The following NNAT variants were observed in gnomAD, a reference collection of about 807,000 sequenced individuals.
NNAT encodes the protein neuronatin.
In NNAT, 8 loss-of-function variants were observed where a neutral mutation model predicts 12.7. That is an observed-to-expected ratio of 0.63 (90% confidence interval 0.37 to 1.14). The LOEUF (loss-of-function observed/expected upper bound fraction) is 1.14, where lower values mean the gene tolerates loss of function less well. Among genes scored for constraint, NNAT ranks in the 50% most tolerant of loss-of-function variants. The probability of loss-of-function intolerance (pLI) is 0.01; values close to 1 mark genes in which losing one functional copy is unlikely to be tolerated. For synonymous variants in NNAT, 52 were observed against 48.5 expected (o/e 1.07, Z -0.30); for missense variants, 94 against 108.3 (o/e 0.87, Z 0.59).
At chr20:37,522,174 G>T (rs1380895800) in intron 1 of NNAT, among the ~76,000 whole-genome samples, 184 bp from the exon 2 acceptor site, 2 of 41,278 alleles carry the variant, frequency 4.8e-5, no homozygotes, top group African/African-American at 1.9e-4. Context: ...AAGGACAATT[G>T]CTTTACAAAA....
rs1189828464 is a variant in NNAT, at chr20:37,522,454, G to T, written c.153+16G>T. 2 of 1,610,088 alleles carry T rather than the reference G, an allele frequency of 1.2e-6. No individual in the cohort carries two copies. Among genetic ancestry groups the T allele is most frequent in the Non-Finnish European group, 1.7e-6 (2 of 1,176,962 alleles). On this transcript the variant is annotated intron_variant, in intron 2 of 2. Transcript: ENST00000649451. ...GAGAAGTGAGGTATACCTAAGTTGT[G>T]GGTCCAATCAGCTTGCCGCCATGCA...
At position 37,521,451 on chromosome 20, in the gene NNAT, C is replaced by T. The variant is rs2071568431; in HGVS notation, c.72+48C>T. 6.3e-7 allele frequency: 1 copy of T among 1,575,782 alleles called. No individual in the cohort carries two copies. Among genetic ancestry groups the T allele is most frequent in the South Asian group, 1.1e-5 (1 of 90,376 alleles). The stretch of plus-strand genomic sequence containing the variant: ...TGGGAGAGGGTTCCCAACTCGCGCC[C>T]CTAGAACCCGCAAGACTGCGTCGCG... On this transcript the variant is annotated intron_variant, in intron 1 of 2. Transcript: ENST00000649451. This position sits in a 1 kb window ranked among gnomAD's most constrained non-coding sequence, Gnocchi z 4.5.
rs1568684225 is a variant in NNAT, at chr20:37,521,338, G to A, written c.7G>A (p.Ala3Thr). Reference protein sequence around the residue: MAAVAAASAELLI... With the variant: MATVAAASAELLI... ...ACCTACCATTCTTGGAACCATGGCGGCAGTGGCGGCGGCCTCGGCTGAACT... is the reference window on the plus strand; with the variant it reads ...ACCTACCATTCTTGGAACCATGGCGACAGTGGCGGCGGCCTCGGCTGAACT... The change falls in exon 1 of 3, where the codon GCA becomes ACA. Residue 3 changes from alanine (A) to threonine (T), a missense_variant. Physicochemically the swap from Ala to Thr is moderately conservative, Grantham distance 58 (BLOSUM62 0). Transcript: ENST00000649451. The surrounding 1 kb of genome is among the most constrained non-coding windows in gnomAD (Gnocchi z 4.5). 6.2e-7 allele frequency: 1 copy of A among 1,614,046 alleles called. No individual in the cohort carries two copies. The highest frequency in any genetic ancestry group is 2.2e-5 in the East Asian group (1 of 44,862).
chr20:37,522,600 A>C, intron 2 of NNAT, 67 bp from the exon 3 acceptor site: 3 of 1,475,088 alleles, frequency 2.0e-6, no homozygotes, highest in Non-Finnish European at 2.8e-6. Flanking sequence ...GGGGGTGGGC[A>C]CGGCAGCACC....
At position 37,521,639 on chromosome 20, in the gene NNAT, C is replaced by T; in HGVS notation, c.72+236C>T. 1.9e-6 allele frequency: 1 copy of T among 530,196 alleles called. No homozygotes were observed. Among genetic ancestry groups the T allele is most frequent in the Non-Finnish European group, 3.4e-6 (1 of 295,890 alleles). The allele number at this position is 530,196 out of a possible 1,614,324, so 32.8% of individuals were successfully genotyped here. A position where few individuals can be genotyped will look rare whatever the true frequency, so the allele number is the denominator to read the frequency against. ...TGCCAGGGAACAAAGACTCGGGGCG[C>T]GGCGGGCGACCGCTGCGGACGATCA... is the stretch of plus-strand genomic sequence containing the variant. On this transcript the variant is annotated intron_variant, in intron 1 of 2. Transcript: ENST00000649451. This position sits in a 1 kb window ranked among gnomAD's most constrained non-coding sequence, Gnocchi z 4.5.
Position 37,521,875 on chromosome 20 carries a change from C to A in NNAT, c.72+472C>A, listed in dbSNP as rs2071588417. 1.3e-5 allele frequency among the ~76,000 whole-genome samples: 2 copies of A among 148,538 alleles called. No individual in the cohort carries two copies. Among genetic ancestry groups the A allele is most frequent in the Admixed American group, 6.7e-5 (1 of 14,958 alleles). On this transcript the variant is annotated intron_variant, in intron 1 of 2. Coordinates refer to ENST00000649451, the MANE Select transcript of NNAT (RefSeq NM_005386.4). This position sits in a 1 kb window ranked among gnomAD's most constrained non-coding sequence, Gnocchi z 4.5. Reference sequence around the variant, plus strand: ...GAACAAAAAATAAGTTAGAAAAAGGCACTTCTCAGAAAAAATAAAAATTAC... The same window carrying A: ...GAACAAAAAATAAGTTAGAAAAAGGAACTTCTCAGAAAAAATAAAAATTAC...
In NNAT at chr20:37,521,843, G is replaced by A. The variant is rs2071587409; in HGVS notation, c.72+440G>A. On this transcript the variant is annotated intron_variant, in intron 1 of 2. Transcript: ENST00000649451. This position sits in a 1 kb window ranked among gnomAD's most constrained non-coding sequence, Gnocchi z 4.5. ...ATTTAAAAAAACATATAGCGCTTGC[G>A]GGGGTGGAACAAAAAATAAGTTAGA... is the stretch of plus-strand genomic sequence containing the variant. 2 of 159,852 alleles carry A rather than the reference G, an allele frequency of 1.3e-5. No individual in the cohort carries two copies. 9.9% of individuals were successfully genotyped at this position (159,852 alleles called of 1,614,324 possible).
intron 2 of NNAT, 23 bp downstream of exon 2, chr20:37,522,461 A>G (rs1182056577): frequency 6.2e-7 from 1 of 1,603,652 alleles, no homozygotes; most frequent in Non-Finnish European, 8.5e-7. Context: ...TGTGGGTCCA[A>G]TCAGCTTGCC....
Position 37,521,371 on chromosome 20 carries a change from A to G in NNAT, c.40A>G (p.Ile14Val), listed in dbSNP as rs1252240421. The G allele has an allele frequency of 1.2e-6, 2 of 1,613,952 alleles. No homozygotes were observed. The highest frequency in any genetic ancestry group is 1.7e-6 in the Non-Finnish European group (2 of 1,179,970). ...GGCGGCCTCGGCTGAACTGCTCATC[A>G]TCGGCTGGTACATCTTCCGCGTGCT... is the stretch of plus-strand genomic sequence containing the variant. ...VAAASAELLIIGWYIFRVLLQ... is the reference protein window; with the variant it reads ...VAAASAELLIVGWYIFRVLLQ... Residue 14 changes from isoleucine (I) to valine (V), a missense_variant, in exon 1 of 3, where the codon ATC (isoleucine) becomes GTC (valine). Physicochemically the swap from Ile to Val is conservative, Grantham distance 29 (BLOSUM62 3). Coordinates refer to ENST00000649451, the MANE Select transcript of NNAT (RefSeq NM_005386.4). The surrounding 1 kb of genome is among the most constrained non-coding windows in gnomAD (Gnocchi z 4.5).
Position 37,521,572 on chromosome 20 carries a change from C to A in NNAT, c.72+169C>A. On this transcript the variant is annotated intron_variant, in intron 1 of 2. Transcript: ENST00000649451. The surrounding 1 kb of genome is among the most constrained non-coding windows in gnomAD (Gnocchi z 4.5). ...CCGCGCGCCCCCTGCCCATTCCCTGCGCCGTCCTCCTCGCGCTGACCCTCC... is the reference window on the plus strand; with the variant it reads ...CCGCGCGCCCCCTGCCCATTCCCTGAGCCGTCCTCCTCGCGCTGACCCTCC... The A allele has an allele frequency of 3.0e-6, 2 of 675,864 alleles. No individual in the cohort carries two copies. Among genetic ancestry groups the A allele is most frequent in the East Asian group, 2.8e-5 (1 of 35,712 alleles). The allele number at this position is 675,864 out of a possible 1,614,324, so 41.9% of individuals were successfully genotyped here.
intron 1 of NNAT, among the ~76,000 whole-genome samples, 164 bp from the exon 2 acceptor site, chr20:37,522,194 A>G (rs2071606702): frequency 1.0e-4 from 1 of 9,882 alleles, no homozygotes; most frequent in Non-Finnish European, 1.4e-3. Context: ...AAAAAAAATA[A>G]TAATAAAAAA....
In NNAT at chr20:37,522,942, T is replaced by C. The variant is rs182700582; in HGVS notation, c.*183T>C. On this transcript the variant is annotated 3_prime_UTR_variant, in exon 3 of 3. Transcript: ENST00000649451. ...GAAGCAGTACCGACAATGACGAAGA[T>C]ACCAGATCCCTTCCCAACCCCTTTG... 4.1e-3 allele frequency: 2,401 copies of C among 578,706 alleles called. 9 individuals are homozygous for C. Among genetic ancestry groups the C allele is most frequent in the Non-Finnish European group, 6.0e-3 (1,960 of 326,712 alleles). 35.8% of individuals were successfully genotyped at this position (578,706 alleles called of 1,614,324 possible). A position where few individuals can be genotyped will look rare whatever the true frequency, so the allele number is the denominator to read the frequency against.
At position 37,522,753 on chromosome 20, in the gene NNAT, C is replaced by T; in HGVS notation, c.240C>T (p.Pro80=). The T allele has an allele frequency of 6.2e-7, 1 of 1,600,940 alleles. No homozygotes were observed. The highest frequency in any genetic ancestry group is 8.5e-7 in the Non-Finnish European group (1 of 1,174,488). ...TGGGGGAGCGCAGGCAGCGAGCCCC[C>T]AACTGAGGCCCCAGCTCCCAGCCCT... is the stretch of plus-strand genomic sequence containing the variant. ...QVLGERRQRA[P]N Residue 80 remains proline (P), a synonymous_variant, in exon 3 of 3, where the codon CCC becomes CCT. Transcript: ENST00000649451.
intron 2 of NNAT, 99 bp from the exon 3 acceptor site, chr20:37,522,568 C>A: frequency 5.1e-6 from 3 of 588,260 alleles, no homozygotes; most frequent in Non-Finnish European, 6.7e-6. Flanking sequence ...GCTGGATGGG[C>A]GGGCGGGGCA....
rs751037692 is a variant in NNAT, at chr20:37,522,437, A to C, written c.152A>C (p.Glu51Ala). 1 of 1,613,280 alleles carries C rather than the reference A, an allele frequency of 6.2e-7. No homozygotes were observed. The highest frequency in any genetic ancestry group is 8.5e-7 in the Non-Finnish European group (1 of 1,179,560). Residue 51 changes from glutamate (E) to alanine (A), a missense_variant and splice_region_variant, in exon 2 of 3, where the codon GAG (glutamate) becomes GCG (alanine). Transcript: ENST00000649451. ...GGGACACAGCCCATTGCGAGAAGTG[A>C]GGTATACCTAAGTTGTGGGTCCAAT... ...PPGTQPIARS[E>A]VFRYSLQKLA...
At position 37,521,629 on chromosome 20, in the gene NNAT, A is replaced by C; in HGVS notation, c.72+226A>C. ...CGCCCGCGCCTGCCAGGGAACAAAG[A>C]CTCGGGGCGCGGCGGGCGACCGCTG... On this transcript the variant is annotated intron_variant, in intron 1 of 2. Transcript: ENST00000649451. This position sits in a 1 kb window ranked among gnomAD's most constrained non-coding sequence, Gnocchi z 4.5. The C allele has an allele frequency of 1.8e-6, 1 of 541,786 alleles. No individual in the cohort carries two copies. The highest frequency in any genetic ancestry group is 3.3e-6 in the Non-Finnish European group (1 of 302,918). The allele number at this position is 541,786 out of a possible 1,614,324, so 33.6% of individuals were successfully genotyped here. A position where few individuals can be genotyped will look rare whatever the true frequency, so the allele number is the denominator to read the frequency against.
At chr20:37,522,305 G>A (rs996548987) in intron 1 of NNAT, 53 bp from the exon 2 acceptor site, 2 of 1,485,248 alleles carry the variant, frequency 1.3e-6, no homozygotes, top group Admixed American at 1.7e-5. Context: ...TTTGCAGGAA[G>A]AATTCCCTGC....
chr20:37,522,047 A>G (rs1019023329), intron 1 of NNAT, among the ~76,000 whole-genome samples: 109 of 151,916 alleles, frequency 7.2e-4, no homozygotes, highest in Non-Finnish European at 1.0e-4. Flanking sequence ...GCAGAAAAAA[A>G]TTAGACAAGG....
Position 37,521,661 on chromosome 20 carries a change from A to G in NNAT, c.72+258A>G. On this transcript the variant is annotated intron_variant, in intron 1 of 2. Transcript: ENST00000649451. The surrounding 1 kb of genome is among the most constrained non-coding windows in gnomAD (Gnocchi z 4.5). ...GCGCGGCGGGCGACCGCTGCGGACG[A>G]TCACCCAGGCATTTAGCGACCTACG... 2.0e-6 allele frequency: 1 copy of G among 502,338 alleles called. No homozygotes were observed. Among genetic ancestry groups the G allele is most frequent in the African/African-American group, 2.0e-5 (1 of 50,724 alleles). 31.1% of individuals were successfully genotyped at this position (502,338 alleles called of 1,614,324 possible). A position where few individuals can be genotyped will look rare whatever the true frequency, so the allele number is the denominator to read the frequency against.
Sources: allele counts gnomAD v4.1 joint callset (sites outside exome capture counted in the v4.1 genomes callset), GRCh38; gene constraint gnomAD v4.1.1; non-coding constraint Gnocchi (gnomAD v3.1); transcripts MANE v1.5; gene names NCBI Gene and HGNC (gene_info 2026-07-23, HGNC 2026-07-21).